PMFBP1: variants seen among roughly 807,000 people sequenced by gnomAD.
PMFBP1 encodes the protein polyamine modulated factor 1 binding protein 1, also known as polyamine-modulated factor 1-binding protein 1.
A neutral mutation model predicts 137.8 loss-of-function variants in PMFBP1; 131 were observed. The observed-to-expected ratio is 0.95, with a 90% CI of 0.82 to 1.10. PMFBP1 has a LOEUF of 1.10. PMFBP1 is among the 50% of genes least tolerant of loss of function. The probability of loss-of-function intolerance (pLI) is 0.00; values close to 1 mark genes in which losing one functional copy is unlikely to be tolerated. For missense variants in PMFBP1, 1,199 were observed against 1,175.4 expected (o/e 1.02, Z -0.29); for synonymous variants, 490 against 450.4 (o/e 1.09, Z -1.11).
At chr16:72,146,213 G>A (rs1423958539) in intron 5 of PMFBP1, among the ~76,000 whole-genome samples, 2 of 152,164 alleles carry the variant, frequency 1.3e-5, no homozygotes, top group Non-Finnish European at 2.9e-5. Context: ...TGCAAGGGTG[G>A]TTCAACACAC....
intron 3 of PMFBP1, among the ~76,000 whole-genome samples, chr16:72,161,430 G>C (rs902301134): frequency 9.2e-5 from 14 of 152,046 alleles, no homozygotes; most frequent in Non-Finnish European, 2.9e-5. Context: ...TCTACAAATT[G>C]CATGTCTTGT....
upstream of PMFBP1, among the ~76,000 whole-genome samples, chr16:72,179,996 C>A (rs778525664): frequency 6.6e-6 from 1 of 152,158 alleles, no homozygotes; most frequent in Admixed American, 6.5e-5. Flanking sequence ...CCACTGGCTG[C>A]AGATACCTAT....
the PMFBP1 span, among the ~76,000 whole-genome samples, chr16:72,222,844 G>A: frequency 1.3e-5 from 2 of 152,090 alleles, no homozygotes; most frequent in African/African-American, 4.8e-5. Context: ...CTGGGTAAAT[G>A]TCAGCAGTTA....
At chr16:72,194,603 G>T in the PMFBP1 span, among the ~76,000 whole-genome samples, 1 of 152,134 alleles carries the variant, frequency 6.6e-6, no homozygotes, top group Non-Finnish European at 1.5e-5. Context: ...ACAGAGATCA[G>T]GTCATATCAT....
intron 5 of PMFBP1, among the ~76,000 whole-genome samples, chr16:72,147,427 G>A (rs988389619): frequency 5.3e-5 from 8 of 152,160 alleles, no homozygotes; most frequent in African/African-American, 1.9e-4. Context: ...AACCCTAGAA[G>A]AAAACCTAGG....
At chr16:72,239,483 T>G in the PMFBP1 span, among the ~76,000 whole-genome samples, 1 of 152,186 alleles carries the variant, frequency 6.6e-6, no homozygotes, top group Non-Finnish European at 1.5e-5. Flanking sequence ...ACCGTTTAAT[T>G]CCTAGTGTGG....
intron 5 of PMFBP1, among the ~76,000 whole-genome samples, chr16:72,142,033 G>A (rs374450792): frequency 3.3e-5 from 5 of 150,116 alleles, no homozygotes; most frequent in East Asian, 1.9e-4. Flanking sequence ...AAAGCAAAGC[G>A]TTCTAGTTTG....
the PMFBP1 span, among the ~76,000 whole-genome samples, chr16:72,190,253 G>A: frequency 3.9e-5 from 6 of 152,098 alleles, no homozygotes; most frequent in Admixed American, 2.0e-4. Flanking sequence ...TTTTAGGGAC[G>A]GACTATTATC....
chr16:72,164,516 A>G, intron 3 of PMFBP1: 1 of 1,413,360 alleles, frequency 7.1e-7, no homozygotes, highest in Non-Finnish European at 9.5e-7. Context: ...AGGCCAGATA[A>G]GGAAAACATC....
chr16:72,139,458 G>A (rs2042683305), intron 6 of PMFBP1, 59 bp from the exon 7 acceptor site: 1 of 1,260,182 alleles, frequency 7.9e-7, no homozygotes, highest in Non-Finnish European at 1.2e-6. Flanking sequence ...TTGTTACCAT[G>A]ACTATTATTT....
the PMFBP1 span, among the ~76,000 whole-genome samples, chr16:72,229,515 T>A: frequency 6.6e-6 from 1 of 152,174 alleles, no homozygotes; most frequent in East Asian, 1.9e-4. Flanking sequence ...CACCAATATT[T>A]TTTTTTCTTT....
chr16:72,170,205 T>G (rs9925493), intron 2 of PMFBP1, among the ~76,000 whole-genome samples: 6,082 of 150,970 alleles, frequency 0.04, 386 homozygotes, highest in African/African-American at 0.14. Flanking sequence ...AGAAAGAGCC[T>G]TCTAGAAAAT....
intron 5 of PMFBP1, among the ~76,000 whole-genome samples, chr16:72,144,420 C>T (rs984321660): frequency 2.0e-4 from 30 of 152,122 alleles, no homozygotes; most frequent in African/African-American, 6.8e-4. Flanking sequence ...GACACTGGCA[C>T]ACGAACTGGC....
At chr16:72,195,425 T>C in the PMFBP1 span, among the ~76,000 whole-genome samples, 1 of 152,142 alleles carries the variant, frequency 6.6e-6, no homozygotes, top group African/African-American at 2.4e-5. Flanking sequence ...CTTGCACTTC[T>C]AACACCATCT....
the PMFBP1 span, among the ~76,000 whole-genome samples, chr16:72,185,077 G>A: frequency 6.6e-6 from 1 of 151,030 alleles, no homozygotes; most frequent in Non-Finnish European, 1.5e-5. Context: ...AGGCTGGAGT[G>A]CAGTGGTGCA....
chr16:72,239,665 G>A, the PMFBP1 span, among the ~76,000 whole-genome samples: 7 of 151,818 alleles, frequency 4.6e-5, no homozygotes, highest in Non-Finnish European at 8.8e-5. Flanking sequence ...AGGCCGAGGC[G>A]GGTGGATCAC....
the PMFBP1 span, among the ~76,000 whole-genome samples, chr16:72,184,638 A>C: frequency 2.6e-5 from 4 of 152,238 alleles, no homozygotes; most frequent in Admixed American, 2.6e-4. Flanking sequence ...TAAAGGTGGA[A>C]TTCAAACTCA....
chr16:72,174,397 C>T (rs940664192), upstream of PMFBP1, among the ~76,000 whole-genome samples: 2 of 152,176 alleles, frequency 1.3e-5, no homozygotes, highest in African/African-American at 4.8e-5. Context: ...ATTCTCTCAA[C>T]CTCTTTAAGG....
chr16:72,136,369 G>T lies in PMFBP1; in HGVS notation c.1203+79C>A, dbSNP rs1251787426. 5.3e-6 allele frequency: 8 copies of T among 1,509,858 alleles called. No individual in the cohort carries two copies. In the African/African-American group the frequency reaches 9.7e-5, roughly 18 times the overall value. 93.5% of individuals were successfully genotyped at this position (1,509,858 alleles called of 1,614,324 possible). A position where few individuals can be genotyped will look rare whatever the true frequency, so the allele number is the denominator to read the frequency against. ...GGCTCCCAAAGCAATAATGGTGGGT[G>T]AAGGCAGAACCGGTTAATGCCAGGA... is the stretch of plus-strand genomic sequence containing the variant. On this transcript the variant is annotated intron_variant, in intron 9 of 20. Transcript: ENST00000237353.
Sources: allele counts gnomAD v4.1 joint callset (sites outside exome capture counted in the v4.1 genomes callset), GRCh38; gene constraint gnomAD v4.1.1; transcripts MANE v1.5; gene names NCBI Gene and HGNC (gene_info 2026-07-23, HGNC 2026-07-21).